Variants in WDR43 observed in about 807,000 individuals in gnomAD.
The protein encoded by WDR43 is WD repeat domain 43, also known as WD repeat-containing protein 43.
WDR43 carries 13 observed loss-of-function variants against 91.4 expected under a neutral mutation model. That is an observed-to-expected ratio of 0.14 (90% CI 0.09 to 0.23). The LOEUF (loss-of-function observed/expected upper bound fraction) is 0.23, where lower values mean the gene tolerates loss of function less well. Ranked by LOEUF, WDR43 falls within the 10% of genes least tolerant of loss-of-function variation. WDR43 has a pLI of 1.00. For missense variants in WDR43, 780 were observed against 809.4 expected (o/e 0.96, Z 0.44); for synonymous variants, 331 against 287.9 (o/e 1.15, Z -1.51).
rs949297597 is a variant in WDR43, at chr2:28,911,009, A to T, written c.486-1581A>T. ...CACTGCGCCTGGCCACTTTTTACTT[A>T]TATTTTAATTTTATGACTTATTTGT... On this transcript the variant is annotated intron_variant, in intron 3 of 17. Coordinates refer to ENST00000407426, the MANE Select transcript of WDR43 (RefSeq NM_015131.3). Among the ~76,000 whole-genome samples the T allele has an allele frequency of 2.6e-5, 4 of 151,226 alleles. No individual in the cohort carries two copies. In the East Asian group the frequency reaches 7.8e-4, roughly 30 times the overall value.
At chr2:28,944,863 G>A (rs1383792506) in intron 16 of WDR43, among the ~76,000 whole-genome samples, 2 of 152,220 alleles carry the variant, frequency 1.3e-5, no homozygotes, top group African/African-American at 2.4e-5. Flanking sequence ...CTCCGGCCAG[G>A]CGGAGCCAGA....
Position 28,929,680 on chromosome 2 carries a change from C to G in WDR43, c.1407C>G (p.Gly469=). The change falls in exon 11 of 18, where the codon GGC becomes GGG. Residue 469 remains glycine, a synonymous_variant. Coordinates refer to ENST00000407426, the MANE Select transcript of WDR43 (RefSeq NM_015131.3). ...TNSFPVLLTQ[G]LESNDFEMLN... ...GCTTTCCAGTTCTTCTTACCCAGGG[C>G]TTAGAAAGTAACGATTTTGAAATGC... 6.2e-7 allele frequency: 1 copy of G among 1,613,216 alleles called. No homozygotes were observed. The highest frequency in any genetic ancestry group is 8.5e-7 in the Non-Finnish European group (1 of 1,179,664).
At chr2:28,906,680 A>G in intron 3 of WDR43, 99 bp downstream of exon 3, 2 of 1,380,364 alleles carry the variant, frequency 1.4e-6, no homozygotes, top group Non-Finnish European at 1.9e-6. Context: ...TTCCATTTAC[A>G]AAGAACTTTT....
At chr2:28,935,152 G>A (rs1433776458) in intron 11 of WDR43, among the ~76,000 whole-genome samples, 2 of 152,114 alleles carry the variant, frequency 1.3e-5, no homozygotes, top group African/African-American at 2.4e-5. Context: ...TAATTTTACT[G>A]TTTTGCTCAC....
Position 28,914,198 on chromosome 2 carries a change from C to G in WDR43, c.736C>G (p.Leu246Val). ...ATCTGGAGCAGTACATGACCGGTTACTTAATGTCTGGTATGTAGTTCTTTT... is the reference window on the plus strand; with the variant it reads ...ATCTGGAGCAGTACATGACCGGTTAGTTAATGTCTGGTATGTAGTTCTTTT... The part of the protein sequence containing the change: ...FLSGAVHDRL[L>V]NVWQVRSENK... The change falls in exon 5 of 18, where the codon CTT becomes GTT. Residue 246 changes from leucine (L) to valine (V), a missense_variant. Leu to Val is a conservative substitution (Grantham distance 32, BLOSUM62 1). Transcript: ENST00000407426. The G allele has an allele frequency of 6.2e-7, 1 of 1,612,988 alleles. No individual in the cohort carries two copies. The highest frequency in any genetic ancestry group is 8.5e-7 in the Non-Finnish European group (1 of 1,179,566).
chr2:28,901,827 G>T (rs1437757372), intron 1 of WDR43, among the ~76,000 whole-genome samples, 160 bp from the exon 2 acceptor site: 1 of 152,050 alleles, frequency 6.6e-6, no homozygotes, highest in Admixed American at 6.6e-5. Context: ...CCATTGGAGG[G>T]ATTTCTTTTT....
chr2:28,942,840 C>G (rs1252022518), intron 16 of WDR43, among the ~76,000 whole-genome samples: 1 of 151,920 alleles, frequency 6.6e-6, no homozygotes, highest in Non-Finnish European at 1.5e-5. Flanking sequence ...TGGTCTCAAA[C>G]TCCTGGGCTC....
intron 9 of WDR43, chr2:28,927,136 T>G (rs984088549): frequency 5.8e-6 from 3 of 519,648 alleles, no homozygotes; most frequent in African/African-American, 1.9e-5. Context: ...CTCTTGGCTG[T>G]CTGAGCATTT....
intron 1 of WDR43, among the ~76,000 whole-genome samples, chr2:28,897,499 TCAAATTAGG>T (rs1670505668): frequency 6.6e-6 from 1 of 152,174 alleles, no homozygotes; most frequent in Non-Finnish European, 1.5e-5. Flanking sequence ...ATCCTCAGGA[TCAAATTAGG>T]CAATGTATGT....
chr2:28,935,745 GACAAAAAA>G, intron 12 of WDR43, 138 bp downstream of exon 12: 3 of 139,844 alleles, frequency 2.1e-5, no homozygotes, highest in Non-Finnish European at 3.4e-5. Context: ...AAGTACTTTA[GACAAAAAA>G]AAAAAAAAAA....
chr2:28,938,212 G>GC (rs1166911688), intron 14 of WDR43, among the ~76,000 whole-genome samples: 3 of 151,954 alleles, frequency 2.0e-5, no homozygotes, highest in African/African-American at 4.8e-5. Flanking sequence ...CTTCCCCTCT[G>GC]CCCCCCGGAT....
intron 3 of WDR43, among the ~76,000 whole-genome samples, chr2:28,912,091 G>A (rs1387897449): frequency 6.6e-6 from 1 of 152,194 alleles, no homozygotes; most frequent in Non-Finnish European, 1.5e-5. Context: ...GTACATTCAT[G>A]TGGATTTAGG....
At chr2:28,908,192 TG>T (rs1670720768) in intron 3 of WDR43, among the ~76,000 whole-genome samples, 1 of 152,114 alleles carries the variant, frequency 6.6e-6, no homozygotes, top group South Asian at 2.1e-4. Flanking sequence ...GGATAATGCA[TG>T]GTAGAGGATA....
rs974077881 is a variant in WDR43, at chr2:28,946,959, C to T, written c.*180C>T. On this transcript the variant is annotated 3_prime_UTR_variant, in exon 18 of 18. Coordinates refer to ENST00000407426, the MANE Select transcript of WDR43 (RefSeq NM_015131.3). ...CTTGACTGTGTAAATAAGAGTGTTT[C>T]ATTCAAATGTTAATAAACTTTACAC... The T allele has an allele frequency of 1.1e-5, 7 of 614,718 alleles. No individual in the cohort carries two copies. The highest frequency in any genetic ancestry group is 1.1e-4 in the African/African-American group (6 of 54,064). The allele number at this position is 614,718 out of a possible 1,614,324, so 38.1% of individuals were successfully genotyped here. A position where few individuals can be genotyped will look rare whatever the true frequency, so the allele number is the denominator to read the frequency against.
chr2:28,930,958 C>T (rs1355497754), intron 11 of WDR43, among the ~76,000 whole-genome samples: 1 of 151,968 alleles, frequency 6.6e-6, no homozygotes, highest in Non-Finnish European at 1.5e-5. Flanking sequence ...CTTAAAACAT[C>T]CTTTAAAAAA....
At chr2:28,905,930 A>T (rs1271805706) in intron 2 of WDR43, among the ~76,000 whole-genome samples, 1 of 152,132 alleles carries the variant, frequency 6.6e-6, no homozygotes, top group African/African-American at 2.4e-5. Context: ...AAGTGCTGGG[A>T]TTACAGGCGT....
In WDR43 at chr2:28,944,650, C is replaced by T. The variant is rs116834197; in HGVS notation, c.1805-1800C>T. Among the ~76,000 whole-genome samples the T allele has an allele frequency of 1.4e-3, 211 of 152,284 alleles. 1 individual carries two copies. Among genetic ancestry groups the T allele is most frequent in the African/African-American group, 4.8e-3 (198 of 41,550 alleles). On this transcript the variant is annotated intron_variant, in intron 16 of 17. Coordinates refer to ENST00000407426, the MANE Select transcript of WDR43 (RefSeq NM_015131.3). ...GCCTGGAGTTGAGATCGAGTTAACACGCATAAGTTTGATTACAAAACCAAG... is the reference window on the plus strand; with the variant it reads ...GCCTGGAGTTGAGATCGAGTTAACATGCATAAGTTTGATTACAAAACCAAG...
chr2:28,911,765 G>A (rs1670805864), intron 3 of WDR43, among the ~76,000 whole-genome samples: 1 of 151,762 alleles, frequency 6.6e-6, no homozygotes, highest in African/African-American at 2.4e-5. Flanking sequence ...CAGAGTAGCT[G>A]GGACTACTAC....
chr2:28,932,682 A>T (rs977334055), intron 11 of WDR43, among the ~76,000 whole-genome samples: 1 of 152,324 alleles, frequency 6.6e-6, no homozygotes, highest in East Asian at 1.9e-4. Context: ...AGTGACAGGG[A>T]TACAACATGG....
Sources: gnomAD v4.1 joint callset for allele counts (sites outside exome capture counted in the v4.1 genomes callset) on GRCh38, gnomAD v4.1.1 for gene constraint, MANE v1.5 for transcripts, NCBI Gene and HGNC (gene_info 2026-07-23, HGNC 2026-07-21) for gene names.